KRTCAP2: variants seen among roughly 807,000 people sequenced by gnomAD.
KRTCAP2 encodes dolichyl-diphosphooligosaccharide--protein glycosyltransferase subunit KCP2.
Under a neutral mutation model 16.5 loss-of-function variants are expected in KRTCAP2, and 10 were observed. The observed-to-expected ratio is 0.60, with a 90% CI of 0.37 to 1.02. KRTCAP2 has a LOEUF of 1.02. Ranked by LOEUF, KRTCAP2 falls within the 50% of genes least tolerant of loss-of-function variation. The probability of loss-of-function intolerance (pLI) is 0.01; values close to 1 mark genes in which losing one functional copy is unlikely to be tolerated. For missense variants in KRTCAP2, 152 were observed against 159.6 expected, an observed-to-expected ratio of 0.95 and a Z score of 0.26; for synonymous variants, 68 against 69.8, an observed-to-expected ratio of 0.97 and a Z score of 0.13.
At chr1:155,172,930 C>A in intron 1 of KRTCAP2, 38 bp from the exon 2 acceptor site, 1 of 1,605,808 alleles carries the variant, frequency 6.2e-7, no homozygotes, top group Non-Finnish European at 8.5e-7. Flanking sequence ...AGTCAGGCTC[C>A]GCCCTCCCTC....
chr1:155,172,009 C>T (rs1665267447), intron 3 of KRTCAP2: 2 of 989,282 alleles, frequency 2.0e-6, no homozygotes, highest in South Asian at 4.6e-5. Flanking sequence ...GCTTTATAAA[C>T]TTAATTCTCC....
In KRTCAP2 at chr1:155,172,776, C is replaced by G. The variant is rs1034495138; in HGVS notation, c.121G>C (p.Gly41Arg). The change falls in exon 2 of 5, where the codon GGC (glycine) becomes CGC (arginine). Residue 41 changes from glycine (G) to arginine (R), a missense_variant. Physicochemically the swap from Gly to Arg is moderately radical, Grantham distance 125. Transcript: ENST00000295682. ...ACGAAGAGACCCGAACCAAGCAGGC[C>G]GCCCTGGATGGTGAGCCACTCGGTG... ...ASTEWLTIQG[G>R]LLGSGLFVFS... The G allele has an allele frequency of 6.2e-7, 1 of 1,614,178 alleles. No homozygotes were observed. The highest frequency in any genetic ancestry group is 8.5e-7 in the Non-Finnish European group (1 of 1,180,024).
At chr1:155,171,035 C>T (rs910671341) in intron 3 of KRTCAP2, 5 of 152,278 alleles carry the variant, frequency 3.3e-5, no homozygotes, top group African/African-American at 1.2e-4. Flanking sequence ...GTCTTGAATT[C>T]CTGGGCCCAA....
intron 3 of KRTCAP2, chr1:155,172,361 TG>T: frequency 7.0e-7 from 1 of 1,420,054 alleles, no homozygotes; most frequent in Non-Finnish European, 9.2e-7. Context: ...CAAAGTTTCT[TG>T]CTTTCAAAGG....
chr1:155,171,499 G>A, intron 3 of KRTCAP2: 1 of 985,164 alleles, frequency 1.0e-6, no homozygotes. Context: ...GGGGCTACTG[G>A]ATGGAAAGAA....
chr1:155,172,760 C>G lies in KRTCAP2; in HGVS notation c.137G>C (p.Gly46Ala). Reference sequence around the variant, plus strand: ...TACAGTGAGCGAGAACACGAAGAGACCCGAACCAAGCAGGCCGCCCTGGAT... The same window carrying G: ...TACAGTGAGCGAGAACACGAAGAGAGCCGAACCAAGCAGGCCGCCCTGGAT... ...LTIQGGLLGS[G>A]LFVFSLTAFN... Residue 46 changes from glycine to alanine, a missense_variant, in exon 2 of 5, where the codon GGT becomes GCT. Coordinates refer to ENST00000295682, the MANE Select transcript of KRTCAP2 (RefSeq NM_173852.4). 1 of 1,614,192 alleles carries G rather than the reference C, an allele frequency of 6.2e-7. No individual in the cohort carries two copies. Among genetic ancestry groups the G allele is most frequent in the Non-Finnish European group, 8.5e-7 (1 of 1,180,032 alleles).
At chr1:155,172,189 C>A in intron 3 of KRTCAP2, 1 of 1,082,476 alleles carries the variant, frequency 9.2e-7, no homozygotes, top group Non-Finnish European at 1.1e-6. Flanking sequence ...AAGTAGAATT[C>A]TCTAATATTG....
chr1:155,173,244 C>A lies in KRTCAP2; in HGVS notation c.-20G>T. On this transcript the variant is annotated 5_prime_UTR_variant, in exon 1 of 5. Coordinates refer to ENST00000295682, the MANE Select transcript of KRTCAP2 (RefSeq NM_173852.4). The stretch of plus-strand genomic sequence containing the variant: ...ACCCATCATGCCCCGCCCGTGAGTC[C>A]AACCGGCGCCTCTGGCCAAGAAAGG... 6.2e-7 allele frequency: 1 copy of A among 1,614,036 alleles called. No individual in the cohort carries two copies. The highest frequency in any genetic ancestry group is 1.1e-5 in the South Asian group (1 of 91,072).
chr1:155,169,793 G>A lies in KRTCAP2; in HGVS notation c.288C>T (p.Thr96=). Residue 96 remains threonine (T), a splice_region_variant and synonymous_variant, in exon 4 of 5, where the codon ACC becomes ACT. Transcript: ENST00000295682. ...SGLIHRVCVT[T]CFIFSMVGLY... ...TTACCCAGCTGTCAAGAACATACCA[G>A]GTGGTGACACAGACTCGGTGGATGA... The A allele has an allele frequency of 6.3e-7, 1 of 1,593,894 alleles. No individual in the cohort carries two copies. Among genetic ancestry groups the A allele is most frequent in the Non-Finnish European group, 8.6e-7 (1 of 1,169,110 alleles).
chr1:155,169,870 G>A lies in KRTCAP2; in HGVS notation c.224-13C>T. ...AGGCACAGGAGAACTAGGGAGGCAA[G>A]AAGAACAAGGAGGGCAACGGTCAGA... On this transcript the variant is annotated splice_polypyrimidine_tract_variant and intron_variant, in intron 3 of 4. Transcript: ENST00000295682. The A allele has an allele frequency of 1.3e-6, 2 of 1,565,080 alleles. No homozygotes were observed. Among genetic ancestry groups the A allele is most frequent in the South Asian group, 2.3e-5 (2 of 85,914 alleles).
chr1:155,169,429 A>G lies in KRTCAP2; in HGVS notation c.*11T>C. 1 of 1,613,572 alleles carries G rather than the reference A, an allele frequency of 6.2e-7. No individual in the cohort carries two copies. The highest frequency in any genetic ancestry group is 1.3e-5 in the African/African-American group (1 of 75,050). ...GAGCTACAAAGAATCAACTTTATTG[A>G]ACATTCAGGGTCAGTTTCTCTTCTT... On this transcript the variant is annotated 3_prime_UTR_variant, in exon 5 of 5. Transcript: ENST00000295682.
At chr1:155,172,466 C>T (rs1265762455) in intron 3 of KRTCAP2, 99 bp downstream of exon 3, 2 of 1,597,622 alleles carry the variant, frequency 1.3e-6, no homozygotes, top group Non-Finnish European at 8.5e-7. Context: ...TATATTTCTC[C>T]TTAACAACCT....
chr1:155,173,031 C>A lies in KRTCAP2; in HGVS notation c.5-139G>T, dbSNP rs1553193605. The A allele has an allele frequency of 1.3e-5, 13 of 1,016,106 alleles. No homozygotes were observed. In the East Asian group the frequency reaches 2.9e-4, roughly 22 times the overall value. The allele number at this position is 1,016,106 out of a possible 1,614,324, so 62.9% of individuals were successfully genotyped here. ...GGGACTGCAGCCACACGCCCCAACTCCCCACACCGCGCGGCAACCCCTACG... is the reference window on the plus strand; with the variant it reads ...GGGACTGCAGCCACACGCCCCAACTACCCACACCGCGCGGCAACCCCTACG... On this transcript the variant is annotated intron_variant, in intron 1 of 4. Transcript: ENST00000295682.
At chr1:155,170,111 A>G (rs1348210054) in intron 3 of KRTCAP2, 17 of 367,654 alleles carry the variant, frequency 4.6e-5, no homozygotes, top group South Asian at 1.0e-4. Context: ...ACTTGAGCCC[A>G]GGAGTTTGAG....
Position 155,172,628 on chromosome 1 carries a change from C to A in KRTCAP2, c.160G>T (p.Ala54Ser), listed in dbSNP as rs1300406919. The change falls in exon 3 of 5, where the codon GCC (alanine) becomes TCC (serine). Residue 54 changes from alanine (A) to serine (S), a missense_variant and splice_region_variant. Physicochemically the swap from Ala to Ser is moderately conservative, Grantham distance 99. Transcript: ENST00000295682. ...ACAAGATTCTCCAGATTATTGAAGG[C>A]CTGGTTGAGGGAGTTAAGGAGTAGG... ...GSGLFVFSLT[A>S]FNNLENLVFG... The A allele has an allele frequency of 1.1e-5, 17 of 1,614,152 alleles. No individual in the cohort carries two copies. The highest frequency in any genetic ancestry group is 1.4e-5 in the Non-Finnish European group (16 of 1,180,028).
At chr1:155,170,789 T>C (rs1665214753) in intron 3 of KRTCAP2, 1 of 152,160 alleles carries the variant, frequency 6.6e-6, no homozygotes, top group African/African-American at 2.4e-5. Context: ...CCCACCACAA[T>C]GGCATCTTTT....
chr1:155,172,986 G>T, intron 1 of KRTCAP2, 94 bp from the exon 2 acceptor site: 1 of 1,367,704 alleles, frequency 7.3e-7, no homozygotes, highest in Non-Finnish European at 1.0e-6. Flanking sequence ...TCGGTGGGCC[G>T]ACCCCCTCCA....
intron 3 of KRTCAP2, chr1:155,171,108 C>A (rs1053391128): frequency 2.0e-5 from 3 of 152,296 alleles, no homozygotes; most frequent in African/African-American, 7.2e-5. Context: ...TCCCACCCAG[C>A]CAATGGTTTC....
In KRTCAP2 at chr1:155,173,271, G is replaced by A. The variant is rs147936640; in HGVS notation, c.-47C>T. On this transcript the variant is annotated 5_prime_UTR_variant, in exon 1 of 5. Transcript: ENST00000295682. ...ACCGGCGCCTCTGGCCAAGAAAGGC[G>A]AGCTGAACCGGGTGCGGTTAGCTAT... 2 of 1,614,126 alleles carry A rather than the reference G, an allele frequency of 1.2e-6. No individual in the cohort carries two copies. Among genetic ancestry groups the A allele is most frequent in the Non-Finnish European group, 1.7e-6 (2 of 1,180,008 alleles).
Sources: allele counts gnomAD v4.1 joint callset, GRCh38; gene constraint gnomAD v4.1.1; transcripts MANE v1.5; gene names NCBI Gene and HGNC (gene_info 2026-07-23, HGNC 2026-07-21).